The following CPVL variants were observed in gnomAD, a reference collection of about 807,000 sequenced individuals.
CPVL encodes the protein carboxypeptidase vitellogenic like.
In CPVL, 51 loss-of-function variants were observed where a neutral mutation model predicts 63.7. The observed-to-expected ratio is 0.80, with a 90% CI of 0.64 to 1.01. CPVL has a LOEUF of 1.01. CPVL is among the 50% of genes least tolerant of loss of function. CPVL has a pLI of 0.00. For synonymous variants in CPVL, 195 were observed against 206.0 expected (o/e 0.95, Z 0.46); for missense variants, 530 against 573.1 (o/e 0.92, Z 0.77).
chr7:29,039,699 A>G (rs906350800), intron 11 of CPVL, among the ~76,000 whole-genome samples: 2 of 152,190 alleles, frequency 1.3e-5, no homozygotes, highest in Non-Finnish European at 1.5e-5. Context: ...GACAGAGAAC[A>G]CAAAACTTTT....
chr7:29,090,236 G>T (rs577550242), intron 6 of CPVL, among the ~76,000 whole-genome samples: 2 of 128,822 alleles, frequency 1.6e-5, no homozygotes, highest in East Asian at 4.0e-4. Flanking sequence ...CATCTGCCTT[G>T]CACTGGACCG....
At chr7:29,008,628 A>T (rs904184909) in intron 12 of CPVL, among the ~76,000 whole-genome samples, 10 of 152,200 alleles carry the variant, frequency 6.6e-5, no homozygotes, top group African/African-American at 2.4e-4. Flanking sequence ...TGGTTTATAT[A>T]AATGCAGTGT....
At chr7:29,138,978 A>G (rs1393212871) in intron 1 of CPVL, among the ~76,000 whole-genome samples, 1 of 152,140 alleles carries the variant, frequency 6.6e-6, no homozygotes, top group Non-Finnish European at 1.5e-5. Context: ...TAACACACCT[A>G]ACTTTGTGTC....
Position 29,075,810 on chromosome 7 carries a change from C to T in CPVL, c.610-3387G>A, listed in dbSNP as rs139673227. 3.1e-3 allele frequency among the ~76,000 whole-genome samples: 475 copies of T among 151,740 alleles called. 2 individuals carry two copies. The highest frequency in any genetic ancestry group is 0.02 in the Middle Eastern group (6 of 294). Reference sequence around the variant, plus strand: ...TTGCTTTGTGTCAGTGTGACAAATCCGTCATTGCCTTTTTCATTAATCATT... The same window carrying T: ...TTGCTTTGTGTCAGTGTGACAAATCTGTCATTGCCTTTTTCATTAATCATT... On this transcript the variant is annotated intron_variant, in intron 7 of 12. Coordinates refer to ENST00000265394, the MANE Select transcript of CPVL (RefSeq NM_031311.5).
At chr7:29,049,270 T>G (rs1020987464) in intron 11 of CPVL, among the ~76,000 whole-genome samples, 8 of 151,788 alleles carry the variant, frequency 5.3e-5, no homozygotes, top group African/African-American at 1.9e-4. Context: ...TGATAGACCA[T>G]TAGCAAGATT....
At chr7:29,045,232 T>C (rs550768923) in intron 11 of CPVL, among the ~76,000 whole-genome samples, 3 of 152,296 alleles carry the variant, frequency 2.0e-5, no homozygotes, top group African/African-American at 7.2e-5. Context: ...TTTATAGGTA[T>C]TCTCTTTTCC....
intron 3 of CPVL, among the ~76,000 whole-genome samples, chr7:29,106,148 A>C (rs914003499): frequency 4.6e-5 from 7 of 152,150 alleles, no homozygotes; most frequent in African/African-American, 1.7e-4. Flanking sequence ...GCAGGTGGAC[A>C]CAGAGAGACT....
chr7:29,037,272 T>C (rs1788619888), intron 11 of CPVL, among the ~76,000 whole-genome samples: 2 of 151,922 alleles, frequency 1.3e-5, no homozygotes, highest in South Asian at 2.1e-4. Context: ...TGGCCAGGCG[T>C]GGTGGCTCAC....
At chr7:29,195,191 C>T (rs1194619514) in exon 1 of CPVL, 1 of 503,706 alleles carries the variant, frequency 2.0e-6, no homozygotes, top group Non-Finnish European at 3.4e-6. Flanking sequence ...TCTGACAGCG[C>T]AGAGGTGGGA....
exon 1 of CPVL, chr7:29,195,214 C>A: frequency 2.1e-6 from 1 of 468,740 alleles, no homozygotes; most frequent in Non-Finnish European, 3.7e-6. Flanking sequence ...GCGGTGGTGC[C>A]CTTAGTGTGC....
intron 5 of CPVL, among the ~76,000 whole-genome samples, chr7:29,093,023 C>A (rs1051388246): frequency 6.6e-6 from 1 of 152,110 alleles, no homozygotes; most frequent in African/African-American, 2.4e-5. Flanking sequence ...CCATCCCCTG[C>A]TACAGTATCA....
chr7:29,148,136 G>A (rs717131), upstream of CPVL, among the ~76,000 whole-genome samples: 14,502 of 152,146 alleles, frequency 0.095, 1,559 homozygotes, highest in African/African-American at 0.24. Flanking sequence ...CACTGCTGCT[G>A]GCGTGCAGAC....
At chr7:29,171,360 C>A (rs1796581010) in intron 5 of CPVL, among the ~76,000 whole-genome samples, 1 of 152,146 alleles carries the variant, frequency 6.6e-6, no homozygotes, top group African/African-American at 2.4e-5. Context: ...TGTGGGGATA[C>A]AAACCAACAT....
At position 29,044,658 on chromosome 7, in the gene CPVL, A is replaced by C. The variant is rs1028472344; in HGVS notation, c.1138-13899T>G. Among the ~76,000 whole-genome samples, 4 of 152,168 alleles carry C rather than the reference A, an allele frequency of 2.6e-5. No homozygotes were observed. The South Asian group carries it at 8.3e-4, about 31-fold the overall frequency. ...TGGAGTAGCCACTACAGCATGTGAC[A>C]TTTATTGCACAACAGATACTACTAA... On this transcript the variant is annotated intron_variant, in intron 11 of 12. Coordinates refer to ENST00000265394, the MANE Select transcript of CPVL (RefSeq NM_031311.5).
At chr7:29,103,179 C>CGGGGG (rs1787344555) in intron 3 of CPVL, among the ~76,000 whole-genome samples, 1 of 6,582 alleles carries the variant, frequency 1.5e-4, no homozygotes, top group East Asian at 5.4e-3. Context: ...AGTTAATATA[C>CGGGGG]TGGGGGGGGG....
At chr7:29,095,297 C>T (rs1048109422) in intron 4 of CPVL, among the ~76,000 whole-genome samples, 155 bp from the exon 5 acceptor site, 7 of 152,126 alleles carry the variant, frequency 4.6e-5, no homozygotes, top group African/African-American at 1.7e-4. Context: ...GGAACAGGCA[C>T]CTGCACCTTT....
chr7:29,044,411 T>C (rs921403212), intron 11 of CPVL, among the ~76,000 whole-genome samples: 3 of 152,154 alleles, frequency 2.0e-5, no homozygotes, highest in Admixed American at 1.3e-4. Flanking sequence ...AGTGAGACTC[T>C]GTCTCAAAAA....
chr7:29,123,132 T>G (rs1193665751), intron 1 of CPVL, among the ~76,000 whole-genome samples: 1 of 152,200 alleles, frequency 6.6e-6, no homozygotes, highest in Non-Finnish European at 1.5e-5. Context: ...GCCAAGCCAT[T>G]AGAACATCTT....
chr7:28,999,104 G>A (rs1784362856), intron 12 of CPVL, among the ~76,000 whole-genome samples: 2 of 151,480 alleles, frequency 1.3e-5, no homozygotes, highest in Admixed American at 1.3e-4. Flanking sequence ...CCCAACTACT[G>A]GGGAGGCTGA....
Sources: gnomAD v4.1 joint callset for allele counts (sites outside exome capture counted in the v4.1 genomes callset) on GRCh38, gnomAD v4.1.1 for gene constraint, MANE v1.5 for transcripts, NCBI Gene and HGNC (gene_info 2026-07-23, HGNC 2026-07-21) for gene names.